Variants in POM121 observed in about 807,000 individuals in gnomAD.
The protein encoded by POM121 is POM121 transmembrane nucleoporin, also known as nuclear envelope pore membrane protein POM 121.
POM121 carries 32 observed loss-of-function variants against 81.3 expected under a neutral mutation model. The ratio of observed to expected loss-of-function variants is 0.39; its 90% CI spans 0.30 to 0.53. The LOEUF is 0.53. Among genes scored for constraint, POM121 ranks in the 20% least tolerant of loss-of-function variants. POM121 has a pLI of 0.66. For missense variants in POM121, 1,138 were observed against 1,614.6 expected (o/e 0.70, Z 5.06); for synonymous variants, 514 against 694.2 (o/e 0.74, Z 4.08).
At chr7:72,914,545 G>A (rs1353572483) in intron 4 of POM121, among the ~76,000 whole-genome samples, 1 of 150,834 alleles carries the variant, frequency 6.6e-6, no homozygotes, top group Non-Finnish European at 1.5e-5. Context: ...TGTAGAGATA[G>A]GGTCTCGCTG....
upstream of POM121, among the ~76,000 whole-genome samples, chr7:72,920,615 A>G (rs1161712118): frequency 6.6e-6 from 1 of 152,060 alleles, no homozygotes; most frequent in Non-Finnish European, 1.5e-5. Context: ...TGGCCTCCCA[A>G]AGTGCTGGGA....
chr7:72,894,068 T>C (rs1791602671), intron 3 of POM121, among the ~76,000 whole-genome samples: 1 of 151,768 alleles, frequency 6.6e-6, no homozygotes, highest in African/African-American at 2.4e-5. Context: ...GGTCAGGAGT[T>C]CCAGACCAAC....
chr7:72,942,182 C>G lies in POM121; in HGVS notation c.2189C>G (p.Pro730Arg). ...TCTTCAGCACCTCCCATGTTCAAGCCCATTTTCACGGCTCCACCCAAGAGT... is the reference window on the plus strand; with the variant it reads ...TCTTCAGCACCTCCCATGTTCAAGCGCATTTTCACGGCTCCACCCAAGAGT... Reference protein sequence around the residue: ...AASSAPPMFKPIFTAPPKSEK... With the variant: ...AASSAPPMFKRIFTAPPKSEK... Residue 730 changes from proline (P) to arginine (R), a missense_variant, in exon 11 of 13, where the codon CCC (proline) becomes CGC (arginine). This residue lies in a region of POM121 where 37 missense variants were observed against 62.8 expected (regional missense o/e 0.59). Coordinates refer to ENST00000434423, the MANE Select transcript of POM121 (RefSeq NM_001387691.1). The G allele has an allele frequency of 6.2e-7, 1 of 1,610,292 alleles. No individual in the cohort carries two copies. Among genetic ancestry groups the G allele is most frequent in the Non-Finnish European group, 8.5e-7 (1 of 1,179,870 alleles).
chr7:72,938,572 G>C lies in POM121; in HGVS notation c.1276-18G>C. 2 of 1,611,904 alleles carry C rather than the reference G, an allele frequency of 1.2e-6. No homozygotes were observed. The highest frequency in any genetic ancestry group is 1.7e-6 in the Non-Finnish European group (2 of 1,178,082). On this transcript the variant is annotated intron_variant, in intron 5 of 12. Transcript: ENST00000434423. The stretch of plus-strand genomic sequence containing the variant: ...CTAAGTTATCAGCAGGCTCAGTCAT[G>C]TCCCTCTTGATTTTTAGCTCTGGAA...
chr7:72,884,759 T>TTA lies in POM121; in HGVS notation c.-521+4886_-521+4887dup, dbSNP rs1353170701. ...TATATACGTGTGTGTATATATATATTTATATATATATATTTTTTTTCTGAA... is the reference window on the plus strand; with the variant it reads ...TATATACGTGTGTGTATATATATATTTATATATATATATATTTTTTTTCTGAA... On this transcript the variant is annotated intron_variant, in intron 1 of 15. Coordinates refer to the POM121 transcript ENST00000395270. 8.7e-5 allele frequency among the ~76,000 whole-genome samples: 13 copies of TTA among 149,398 alleles called. No individual in the cohort carries two copies. In the South Asian group the frequency reaches 1.0e-3, roughly 12 times the overall value.
At chr7:72,888,851 C>G (rs1791010491) in intron 1 of POM121, among the ~76,000 whole-genome samples, 1 of 151,824 alleles carries the variant, frequency 6.6e-6, no homozygotes, top group Admixed American at 6.6e-5. Context: ...TTTCTATTTT[C>G]TTTAGTTTGT....
intron 3 of POM121, among the ~76,000 whole-genome samples, chr7:72,927,567 G>T (rs1795585782): frequency 6.6e-6 from 1 of 151,964 alleles, no homozygotes; most frequent in South Asian, 2.1e-4. Flanking sequence ...AAAATTAGCT[G>T]GATGTGGTGG....
intron 3 of POM121, among the ~76,000 whole-genome samples, chr7:72,905,593 A>G (rs1249777886): frequency 6.6e-6 from 1 of 152,204 alleles, no homozygotes; most frequent in Non-Finnish European, 1.5e-5. Flanking sequence ...CCAGCTACTC[A>G]GGAAGCTGAG....
At chr7:72,910,933 C>T (rs1554494173) in intron 3 of POM121, among the ~76,000 whole-genome samples, 1 of 152,144 alleles carries the variant, frequency 6.6e-6, no homozygotes, top group Non-Finnish European at 1.5e-5. Context: ...CCCTTCTCTT[C>T]TCTACCTTTC....
chr7:72,898,979 C>CTTTTTT (rs1176371162), intron 3 of POM121, among the ~76,000 whole-genome samples: 6 of 34,102 alleles, frequency 1.8e-4, no homozygotes, highest in South Asian at 3.2e-3. Flanking sequence ...CTTTTCTTTT[C>CTTTTTT]TTTTTTTTTT....
At chr7:72,889,756 G>T (rs1206490405) in intron 1 of POM121, among the ~76,000 whole-genome samples, 1 of 152,106 alleles carries the variant, frequency 6.6e-6, no homozygotes, top group Non-Finnish European at 1.5e-5. Flanking sequence ...GAGCTCAAAC[G>T]ATCTTCCCAT....
At chr7:72,949,315 G>A (rs782745090), downstream of POM121, 11 of 814,634 alleles carry the variant, frequency 1.4e-5, 1 homozygote, top group African/African-American at 1.0e-4. Context: ...CATCTCACCC[G>A]AGCCACTGCA....
chr7:72,928,277 A>G, intron 3 of POM121, 108 bp from the exon 4 acceptor site: 1 of 1,441,660 alleles, frequency 6.9e-7, no homozygotes, highest in Non-Finnish European at 9.6e-7. Flanking sequence ...TCTATCATGG[A>G]ATCTGTGCTC....
rs1554502448 is a variant in POM121 at position 72,943,429 on chromosome 7, G to C, written c.3436G>C (p.Gly1146Arg). The change falls in exon 11 of 13, where the codon GGC (glycine) becomes CGC (arginine). Residue 1146 changes from glycine (G) to arginine (R), a missense_variant. By Grantham distance (125) the Gly-to-Arg change is moderately radical (BLOSUM62 -2). Coordinates refer to ENST00000434423, the MANE Select transcript of POM121 (RefSeq NM_001387691.1). ...STATSTPFAG[G>R]LGQNALGTTG... ...AGCCACCTCCACCCCCTTCGCAGGG[G>C]GCTTAGGTCAGAACGCCCTGGGCAC... 2 of 1,612,988 alleles carry C rather than the reference G, an allele frequency of 1.2e-6. No individual in the cohort carries two copies. The highest frequency in any genetic ancestry group is 1.7e-6 in the Non-Finnish European group (2 of 1,179,668).
chr7:72,894,434 T>C (rs1462782731), intron 3 of POM121, among the ~76,000 whole-genome samples: 2 of 151,600 alleles, frequency 1.3e-5, no homozygotes, highest in Non-Finnish European at 2.9e-5. Context: ...AAAAATTAGC[T>C]GGGCGTGGTG....
At position 72,926,287 on chromosome 7, in the gene POM121, T is replaced by C. The variant is rs781852087; in HGVS notation, c.670T>C (p.Phe224Leu). Reference protein sequence around the residue: ...PRDCGTLPNRFVITPRRRYPI... With the variant: ...PRDCGTLPNRLVITPRRRYPI... The stretch of plus-strand genomic sequence containing the variant: ...GGATTGTGGGACTTTACCAAATCGG[T>C]TTGTAATAACACCTAGAAGACGCTA... Residue 224 changes from phenylalanine (F) to leucine (L), a missense_variant, in exon 2 of 13, where the codon TTT (phenylalanine) becomes CTT (leucine). Phe to Leu is a conservative substitution (Grantham distance 22). Transcript: ENST00000434423. 6.4e-7 allele frequency: 1 copy of C among 1,570,626 alleles called. No homozygotes were observed. Among genetic ancestry groups the C allele is most frequent in the East Asian group, 2.4e-5 (1 of 42,208 alleles).
upstream of POM121, among the ~76,000 whole-genome samples, chr7:72,923,117 C>T (rs1308488961): frequency 6.7e-6 from 1 of 149,490 alleles, no homozygotes; most frequent in Middle Eastern, 3.4e-3. Flanking sequence ...CCCCCAACCC[C>T]CCCCCCCTTT....
At chr7:72,899,802 A>G (rs1356413884) in intron 3 of POM121, among the ~76,000 whole-genome samples, 1 of 151,432 alleles carries the variant, frequency 6.6e-6, no homozygotes, top group Non-Finnish European at 1.5e-5. Context: ...GATGGTCTCA[A>G]TCTCCTGAAC....
intron 1 of POM121, among the ~76,000 whole-genome samples, chr7:72,880,359 C>CAAGG: frequency 6.6e-6 from 1 of 152,300 alleles, no homozygotes; most frequent in East Asian, 1.9e-4. Context: ...GACCAGGTCA[C>CAAGG]CGGCTTTGTG....
Sources: allele counts gnomAD v4.1 joint callset (sites outside exome capture counted in the v4.1 genomes callset), GRCh38; gene constraint gnomAD v4.1.1; regional missense constraint gnomAD v4.1.1; transcripts MANE v1.5; gene names NCBI Gene and HGNC (gene_info 2026-07-23, HGNC 2026-07-21).